The following PPARGC1B variants were observed in gnomAD, a reference collection of about 807,000 sequenced individuals.
The protein encoded by PPARGC1B is PPARG coactivator 1 beta, also known as peroxisome proliferator-activated receptor gamma coactivator 1-beta.
Under a neutral mutation model 101.6 loss-of-function variants are expected in PPARGC1B, and 34 were observed. The observed-to-expected ratio is 0.33, with a 90% confidence interval of 0.25 to 0.45. The LOEUF (loss-of-function observed/expected upper bound fraction) is 0.45. Ranked by LOEUF, PPARGC1B falls within the 20% of genes least tolerant of loss-of-function variation. PPARGC1B has a pLI of 1.00. For missense variants in PPARGC1B, 1,234 were observed against 1,317.6 expected, an observed-to-expected ratio of 0.94 and a Z score of 0.98; for synonymous variants, 548 against 539.3, an observed-to-expected ratio of 1.02 and a Z score of -0.22.
At chr5:149,809,920 A>G (rs1290529226) in intron 1 of PPARGC1B, among the ~76,000 whole-genome samples, 1 of 151,952 alleles carries the variant, frequency 6.6e-6, no homozygotes, top group Non-Finnish European at 1.5e-5. Context: ...GAGGATAGAA[A>G]GAAGGGAGCC....
Position 149,730,988 on chromosome 5 carries a change from T to C in PPARGC1B, c.78+568T>C, listed in dbSNP as rs1754440233. Among the ~76,000 whole-genome samples, 1 of 152,186 alleles carries C rather than the reference T, an allele frequency of 6.6e-6. No individual in the cohort carries two copies. The highest frequency in any genetic ancestry group is 6.5e-5 in the Admixed American group (1 of 15,294). On this transcript the variant is annotated intron_variant, in intron 1 of 11. Coordinates refer to ENST00000309241, the MANE Select transcript of PPARGC1B (RefSeq NM_133263.4). The surrounding 1 kb of genome is among the most constrained non-coding windows in gnomAD (Gnocchi z 4.0). The stretch of plus-strand genomic sequence containing the variant: ...AAGGCATAAGGGTCTGCGGGGCACG[T>C]GGACATGCGGGCGGAGACAGCGTCT...
At chr5:149,814,113 C>T (rs1373760376) in intron 1 of PPARGC1B, among the ~76,000 whole-genome samples, 1 of 152,172 alleles carries the variant, frequency 6.6e-6, no homozygotes, top group Non-Finnish European at 1.5e-5. Context: ...GGTACTTTAT[C>T]TTTGTAAGAA....
At chr5:149,819,757 C>G (rs11167485) in intron 1 of PPARGC1B, among the ~76,000 whole-genome samples, 1 of 152,280 alleles carries the variant, frequency 6.6e-6, no homozygotes, top group African/African-American at 2.4e-5. Context: ...CCCACCTTGG[C>G]CTCTCAAATT....
At chr5:149,754,774 A>ATTTTT (rs10560122) in intron 1 of PPARGC1B, among the ~76,000 whole-genome samples, 1 of 68,466 alleles carries the variant, frequency 1.5e-5, no homozygotes, top group African/African-American at 5.7e-5. Context: ...GAGCATCCTG[A>ATTTTT]TTTTTTTTTT....
intron 1 of PPARGC1B, among the ~76,000 whole-genome samples, chr5:149,797,646 C>T (rs758158836): frequency 1.7e-4 from 26 of 152,102 alleles, no homozygotes; most frequent in Non-Finnish European, 3.1e-4. Flanking sequence ...TTCGGCTGGG[C>T]GCGGTGGCTC....
rs760569751 is a variant in PPARGC1B, at chr5:149,836,667, G to A, written c.2212G>A (p.Glu738Lys). ...PWAEAQAPGREEDRSCDAGAP... is the reference protein window; with the variant it reads ...PWAEAQAPGRKEDRSCDAGAP... ...GGCTGAGGCACAGGCCCCTGGCAGG[G>A]AGGAAGACAGAAGCTGTGATGCTGG... The change falls in exon 8 of 12, where the codon GAG becomes AAG. Residue 738 changes from glutamate to lysine, a missense_variant. This residue lies in a region of PPARGC1B where 497 missense variants were observed against 529.5 expected (regional missense o/e 0.94). Coordinates refer to ENST00000309241, the MANE Select transcript of PPARGC1B (RefSeq NM_133263.4). The A allele has an allele frequency of 1.4e-5, 23 of 1,613,650 alleles. No homozygotes were observed. Among genetic ancestry groups the A allele is most frequent in the Non-Finnish European group, 1.4e-5 (17 of 1,180,014 alleles).
At chr5:149,766,125 C>G (rs1398516186) in intron 1 of PPARGC1B, among the ~76,000 whole-genome samples, 1 of 152,186 alleles carries the variant, frequency 6.6e-6, no homozygotes, top group African/African-American at 2.4e-5. Context: ...AATGATGTTG[C>G]CACCTTGTGG....
intron 1 of PPARGC1B, among the ~76,000 whole-genome samples, chr5:149,819,272 C>T (rs1004495093): frequency 1.3e-5 from 2 of 152,254 alleles, no homozygotes; most frequent in East Asian, 3.9e-4. Flanking sequence ...GGTTTATGAC[C>T]GTCTAGATCT....
intron 1 of PPARGC1B, chr5:149,772,269 TG>T: frequency 3.3e-6 from 5 of 1,537,692 alleles, no homozygotes; most frequent in Non-Finnish European, 4.4e-6. Context: ...GATGTGGCGA[TG>T]GTGGGTTAGG....
At chr5:149,845,655 G>C in intron 10 of PPARGC1B, 105 bp from the exon 11 acceptor site, 1 of 1,209,494 alleles carries the variant, frequency 8.3e-7, no homozygotes, top group Non-Finnish European at 1.2e-6. Context: ...ACGTGATGTG[G>C]GTATCGAATC....
intron 1 of PPARGC1B, among the ~76,000 whole-genome samples, chr5:149,799,587 G>C (rs1226395534): frequency 5.3e-5 from 8 of 152,042 alleles, no homozygotes; most frequent in Non-Finnish European, 1.0e-4. Flanking sequence ...TGACCTAAAT[G>C]CCCAGAGAGA....
chr5:149,830,055 GAAAAA>G (rs71587791), intron 3 of PPARGC1B, among the ~76,000 whole-genome samples: 1 of 89,816 alleles, frequency 1.1e-5, no homozygotes, highest in Non-Finnish European at 2.1e-5. Flanking sequence ...AAAAAAAAAA[GAAAAA>G]AAAAAAAAAA....
chr5:149,732,047 TGTGTG>T (rs1561842723), intron 1 of PPARGC1B, among the ~76,000 whole-genome samples: 17 of 5,838 alleles, frequency 2.9e-3, no homozygotes, highest in Non-Finnish European at 5.2e-3. Context: ...CGCGCGCGGG[TGTGTG>T]TGTGTGTGTG....
intron 1 of PPARGC1B, among the ~76,000 whole-genome samples, chr5:149,756,227 C>T (rs939881529): frequency 6.6e-6 from 1 of 151,978 alleles, no homozygotes; most frequent in African/African-American, 2.4e-5. Context: ...TTTGAGAGGC[C>T]GGGACGGGTG....
At chr5:149,777,078 G>A (rs1756390766) in intron 1 of PPARGC1B, among the ~76,000 whole-genome samples, 1 of 152,208 alleles carries the variant, frequency 6.6e-6, no homozygotes, top group African/African-American at 2.4e-5. Context: ...TCAGAAGGTA[G>A]TGTGGTTTCC....
At chr5:149,751,958 C>A (rs1006659786) in intron 1 of PPARGC1B, among the ~76,000 whole-genome samples, 1 of 152,170 alleles carries the variant, frequency 6.6e-6, no homozygotes, top group Non-Finnish European at 1.5e-5. Flanking sequence ...ACAGCAATCC[C>A]TGCATTGCTG....
intron 1 of PPARGC1B, among the ~76,000 whole-genome samples, chr5:149,790,556 A>G (rs1756980873): frequency 6.6e-6 from 1 of 152,156 alleles, no homozygotes; most frequent in African/African-American, 2.4e-5. Context: ...GGCTTAAAAT[A>G]TTATAATACT....
At chr5:149,796,563 G>C (rs902222408) in intron 1 of PPARGC1B, among the ~76,000 whole-genome samples, 1 of 152,148 alleles carries the variant, frequency 6.6e-6, no homozygotes, top group Admixed American at 6.5e-5. Flanking sequence ...TTGGGGTGGG[G>C]TGAGCAAGTG....
At chr5:149,820,657 C>G in intron 2 of PPARGC1B, 51 bp downstream of exon 2, 1 of 1,548,566 alleles carries the variant, frequency 6.5e-7, no homozygotes, top group Non-Finnish European at 8.8e-7. Context: ...CCTCTCTCTC[C>G]TCAAAATCCC....
Sources: gnomAD v4.1 joint callset for allele counts (sites outside exome capture counted in the v4.1 genomes callset) on GRCh38, gnomAD v4.1.1 for gene constraint, gnomAD v4.1.1 regional missense constraint, Gnocchi (gnomAD v3.1) non-coding constraint, MANE v1.5 for transcripts, NCBI Gene and HGNC (gene_info 2026-07-23, HGNC 2026-07-21) for gene names.